CHCHD6: variants seen among roughly 807,000 people sequenced by gnomAD.
CHCHD6 encodes coiled-coil-helix-coiled-coil-helix domain containing 6.
A neutral mutation model predicts 32.3 loss-of-function variants in CHCHD6; 28 were observed. The observed-to-expected ratio is 0.87, with a 90% CI of 0.64 to 1.19. CHCHD6 has a LOEUF of 1.19. CHCHD6 is among the 50% of genes most tolerant of loss of function. The probability of loss-of-function intolerance (pLI) is 0.00; values close to 1 mark genes in which losing one functional copy is unlikely to be tolerated. For missense variants in CHCHD6, 333 were observed against 307.0 expected, an observed-to-expected ratio of 1.08 and a Z score of -0.63; for synonymous variants, 122 against 117.5, an observed-to-expected ratio of 1.04 and a Z score of -0.25.
intron 6 of CHCHD6, among the ~76,000 whole-genome samples, chr3:126,923,238 G>T: frequency 6.6e-6 from 1 of 152,240 alleles, no homozygotes; most frequent in Non-Finnish European, 1.5e-5. Flanking sequence ...TCAGAACACA[G>T]AATCTGTTAA....
At chr3:126,771,114 T>C (rs1247051850) in intron 4 of CHCHD6, among the ~76,000 whole-genome samples, 1 of 152,170 alleles carries the variant, frequency 6.6e-6, no homozygotes, top group African/African-American at 2.4e-5. Context: ...TTTCTTTGCA[T>C]AGAGTTGTTC....
At chr3:126,751,454 A>G (rs1316004750) in intron 4 of CHCHD6, among the ~76,000 whole-genome samples, 1 of 146,726 alleles carries the variant, frequency 6.8e-6, no homozygotes, top group Non-Finnish European at 1.5e-5. Flanking sequence ...GTGAGCCGAG[A>G]TCATGTCACA....
intron 5 of CHCHD6, among the ~76,000 whole-genome samples, chr3:126,863,680 TCC>T (rs1942073730): frequency 7.4e-6 from 1 of 134,918 alleles, no homozygotes; most frequent in Non-Finnish European, 1.6e-5. Flanking sequence ...CACCACCTCC[TCC>T]TCCTCCACCA....
intron 6 of CHCHD6, 135 bp downstream of exon 6, chr3:126,914,885 C>T (rs2078147306): frequency 1.4e-5 from 9 of 663,356 alleles, no homozygotes; most frequent in Non-Finnish European, 2.5e-5. Context: ...TTCCTCAGCT[C>T]TCTCACCTGG....
intron 6 of CHCHD6, among the ~76,000 whole-genome samples, chr3:126,954,211 G>A (rs1196902094): frequency 1.3e-5 from 2 of 152,198 alleles, no homozygotes; most frequent in Admixed American, 6.5e-5. Flanking sequence ...GGCAAGGAGG[G>A]GATAGATTTC....
In CHCHD6 at chr3:126,747,872, G is replaced by A. The variant is rs558722552; in HGVS notation, c.411+14650G>A. 3.3e-4 allele frequency among the ~76,000 whole-genome samples: 50 copies of A among 152,150 alleles called. 1 individual carries two copies. The highest frequency in any genetic ancestry group is 6.5e-4 in the Non-Finnish European group (44 of 68,026). On this transcript the variant is annotated intron_variant, in intron 4 of 7. Coordinates refer to ENST00000290913, the MANE Select transcript of CHCHD6 (RefSeq NM_032343.3). Reference sequence around the variant, plus strand: ...CCTGGGCTCCTGGGGGCCGCTAGAGGCTGGATGGTTGGGTTCTCATGCAGT... The same window carrying A: ...CCTGGGCTCCTGGGGGCCGCTAGAGACTGGATGGTTGGGTTCTCATGCAGT...
At chr3:126,916,910 G>C (rs1230577013) in intron 6 of CHCHD6, among the ~76,000 whole-genome samples, 1 of 152,160 alleles carries the variant, frequency 6.6e-6, no homozygotes, top group African/African-American at 2.4e-5. Flanking sequence ...TTTCTACCTG[G>C]AGCCAGGACC....
intron 4 of CHCHD6, among the ~76,000 whole-genome samples, chr3:126,791,891 A>G (rs4679294): frequency 0.35 from 53,741 of 152,162 alleles, 11,634 homozygotes; most frequent in African/African-American, 0.61. Flanking sequence ...GATTATAGGC[A>G]TGAGCCACCA....
At chr3:126,913,244 T>TTTTTG (rs2078121380) in intron 5 of CHCHD6, among the ~76,000 whole-genome samples, 2 of 93,578 alleles carry the variant, frequency 2.1e-5, no homozygotes, top group African/African-American at 4.0e-5. Flanking sequence ...TTTTTTTTTT[T>TTTTTG]GGGAGACGGA....
At chr3:126,802,132 C>G (rs1319076082) in intron 4 of CHCHD6, among the ~76,000 whole-genome samples, 2 of 152,130 alleles carry the variant, frequency 1.3e-5, no homozygotes, top group Non-Finnish European at 2.9e-5. Flanking sequence ...AGCAGAAAAA[C>G]TGGAAACTCT....
intron 4 of CHCHD6, among the ~76,000 whole-genome samples, chr3:126,806,700 A>C (rs1264971567): frequency 3.9e-5 from 6 of 152,176 alleles, no homozygotes; most frequent in Admixed American, 2.6e-4. Context: ...ATTACTGGGT[A>C]TATACCCAAA....
intron 6 of CHCHD6, among the ~76,000 whole-genome samples, chr3:126,938,907 C>T (rs556783913): frequency 6.6e-5 from 10 of 152,306 alleles, no homozygotes; most frequent in African/African-American, 1.2e-4. Flanking sequence ...TCCTTCATTT[C>T]GGGTTGGCCA....
chr3:126,948,271 A>G (rs931330665), intron 6 of CHCHD6, among the ~76,000 whole-genome samples: 10 of 152,218 alleles, frequency 6.6e-5, no homozygotes, highest in African/African-American at 2.4e-4. Context: ...GAGGTCCACA[A>G]TTAAGGTGTT....
chr3:126,927,989 G>A (rs1054229678), intron 6 of CHCHD6, among the ~76,000 whole-genome samples: 4 of 152,224 alleles, frequency 2.6e-5, no homozygotes, highest in Admixed American at 2.0e-4. Context: ...TGCCCCATGT[G>A]GTGTGCACAC....
At chr3:126,856,502 C>T (rs552956690) in intron 5 of CHCHD6, among the ~76,000 whole-genome samples, 1 of 152,224 alleles carries the variant, frequency 6.6e-6, no homozygotes. Context: ...CCGCTGAACC[C>T]CTTGCCATCT....
intron 6 of CHCHD6, among the ~76,000 whole-genome samples, chr3:126,929,712 C>T (rs1358043936): frequency 6.6e-6 from 1 of 151,946 alleles, no homozygotes; most frequent in Non-Finnish European, 1.5e-5. Context: ...ATTACAGGCG[C>T]CCACCACCAT....
chr3:126,935,271 C>A, intron 6 of CHCHD6: 1 of 483,130 alleles, frequency 2.1e-6, no homozygotes, highest in Non-Finnish European at 2.7e-6. Flanking sequence ...GAGAGCCTCC[C>A]TCCCTCAAGA....
At chr3:126,941,839 C>T (rs927068653) in intron 6 of CHCHD6, among the ~76,000 whole-genome samples, 2 of 152,220 alleles carry the variant, frequency 1.3e-5, no homozygotes, top group East Asian at 1.9e-4. Flanking sequence ...AGAATACCTC[C>T]TCCTTGGTCA....
intron 4 of CHCHD6, among the ~76,000 whole-genome samples, chr3:126,831,812 G>C (rs942655314): frequency 6.6e-6 from 1 of 152,190 alleles, no homozygotes; most frequent in Non-Finnish European, 1.5e-5. Context: ...TCAAGAAGAA[G>C]AGTGTGTTTG....
Sources: gnomAD v4.1 joint callset for allele counts (sites outside exome capture counted in the v4.1 genomes callset) on GRCh38, gnomAD v4.1.1 for gene constraint, MANE v1.5 for transcripts, NCBI Gene and HGNC (gene_info 2026-07-23, HGNC 2026-07-21) for gene names.